The following PAX2 variants were observed in gnomAD, a reference collection of about 807,000 sequenced individuals.
PAX2 encodes paired box 2, also known as paired box protein Pax-2.
Under a neutral mutation model 41.7 loss-of-function variants are expected in PAX2, and 9 were observed. That is an observed-to-expected ratio of 0.22 (90% confidence interval 0.13 to 0.38). The LOEUF (loss-of-function observed/expected upper bound fraction) is 0.38, where lower values mean the gene tolerates loss of function less well. Among genes scored for constraint, PAX2 ranks in the 10% least tolerant of loss-of-function variants. The pLI is 1.00. For missense variants in PAX2, 418 were observed against 531.6 expected, an observed-to-expected ratio of 0.79 and a Z score of 2.10; for synonymous variants, 221 against 212.7, an observed-to-expected ratio of 1.04 and a Z score of -0.34.
At chr10:100,764,680 CTGTGTGTG>C (rs59663467) in intron 3 of PAX2, among the ~76,000 whole-genome samples, 3,048 of 150,328 alleles carry the variant, frequency 0.02, 110 homozygotes, top group African/African-American at 0.07. Context: ...GACCTTGTGG[CTGTGTGTG>C]TGTGTGTGTG....
chr10:100,818,945 A>T (rs557722303), intron 7 of PAX2, among the ~76,000 whole-genome samples: 33 of 152,146 alleles, frequency 2.2e-4, no homozygotes, highest in Non-Finnish European at 4.3e-4. Context: ...TTTATTTCTC[A>T]TCTATAGAAT....
chr10:100,786,716 CT>C (rs1407600645), intron 5 of PAX2, among the ~76,000 whole-genome samples: 1 of 152,172 alleles, frequency 6.6e-6, no homozygotes, highest in African/African-American at 2.4e-5. Flanking sequence ...CTACCTTCTG[CT>C]GATAAAGGGA....
intron 1 of PAX2, among the ~76,000 whole-genome samples, chr10:100,739,627 C>A (rs933406610): frequency 7.9e-5 from 12 of 152,230 alleles, no homozygotes; most frequent in Admixed American, 6.5e-4. Flanking sequence ...CTCTGGTCTC[C>A]CAGCCTCTGG....
intron 3 of PAX2, among the ~76,000 whole-genome samples, chr10:100,758,992 G>T (rs74629929): frequency 0.02 from 3,026 of 152,318 alleles, 104 homozygotes; most frequent in African/African-American, 0.065. Context: ...GACTGGGAGA[G>T]TGAGGCAGGA....
chr10:100,740,468 C>A (rs909752765), intron 1 of PAX2, among the ~76,000 whole-genome samples: 3 of 152,182 alleles, frequency 2.0e-5, no homozygotes, highest in African/African-American at 7.2e-5. Flanking sequence ...GGGGAGGAAT[C>A]CCCAGTAACC....
chr10:100,801,533 G>A (rs1847563661), intron 5 of PAX2, among the ~76,000 whole-genome samples: 1 of 152,182 alleles, frequency 6.6e-6, no homozygotes, highest in Admixed American at 6.5e-5. Context: ...ACCTGGAATG[G>A]CCCAGTCCTG....
At chr10:100,810,205 C>T (rs2495762) in intron 7 of PAX2, among the ~76,000 whole-genome samples, 3 of 152,048 alleles carry the variant, frequency 2.0e-5, no homozygotes, top group Non-Finnish European at 4.4e-5. Flanking sequence ...GCAGAGCCAG[C>T]GGCAAAGGCA....
At chr10:100,789,546 A>T (rs1214148808) in intron 5 of PAX2, among the ~76,000 whole-genome samples, 3 of 152,218 alleles carry the variant, frequency 2.0e-5, no homozygotes, top group Non-Finnish European at 4.4e-5. Context: ...AACCAAATCT[A>T]TATGATGGTA....
chr10:100,787,711 C>T (rs1222240247), intron 5 of PAX2, among the ~76,000 whole-genome samples: 1 of 152,080 alleles, frequency 6.6e-6, no homozygotes, highest in Non-Finnish European at 1.5e-5. Flanking sequence ...GCAGCATCGT[C>T]AATTCCAAAG....
chr10:100,787,770 C>A (rs1039536108), intron 5 of PAX2, among the ~76,000 whole-genome samples: 1 of 151,862 alleles, frequency 6.6e-6, no homozygotes, highest in African/African-American at 2.4e-5. Context: ...TGGGGGGCAC[C>A]CAGGGCAAAG....
chr10:100,773,345 C>T (rs2133882148), intron 3 of PAX2, among the ~76,000 whole-genome samples: 2 of 152,258 alleles, frequency 1.3e-5, no homozygotes, highest in East Asian at 3.9e-4. Context: ...CAGCCTAGTC[C>T]AGTAAATGCT....
chr10:100,739,454 G>A (rs1007670463), intron 1 of PAX2, among the ~76,000 whole-genome samples: 2 of 152,198 alleles, frequency 1.3e-5, no homozygotes, highest in Non-Finnish European at 2.9e-5. Context: ...GGCGCGCCGC[G>A]GATGGATCCG....
intron 7 of PAX2, among the ~76,000 whole-genome samples, chr10:100,817,262 C>T (rs1848220078): frequency 6.6e-6 from 1 of 152,180 alleles, no homozygotes. Flanking sequence ...AATGTCTTCC[C>T]CTCTCTCTGA....
Position 100,824,514 on chromosome 10 carries a change from G to A in PAX2, c.920-134G>A. The A allele has an allele frequency of 1.3e-6, 1 of 750,378 alleles. No individual in the cohort carries two copies. Among genetic ancestry groups the A allele is most frequent in the South Asian group, 1.4e-5 (1 of 69,580 alleles). 46.5% of individuals were successfully genotyped at this position (750,378 alleles called of 1,614,324 possible). ...CAGATGGCGCATTCAGGTGCACAGT[G>A]GCACACATACCCCTGCACGTCTGCA... On this transcript the variant is annotated intron_variant, in intron 7 of 9. Coordinates refer to ENST00000355243, the MANE Select transcript of PAX2 (RefSeq NM_000278.5). This position sits in a 1 kb window ranked among gnomAD's most constrained non-coding sequence, Gnocchi z 6.6.
chr10:100,791,464 A>G lies in PAX2; in HGVS notation c.616+10099A>G, dbSNP rs966719089. ...CAGACAAGGGGAGGGAAGAGAAGCC[A>G]GAGGAAAGCAGCTCCAGGAACCTGC... On this transcript the variant is annotated intron_variant, in intron 5 of 9. Coordinates refer to ENST00000355243, the MANE Select transcript of PAX2 (RefSeq NM_000278.5). The surrounding 1 kb of genome is among the most constrained non-coding windows in gnomAD (Gnocchi z 4.5). 2.0e-5 allele frequency among the ~76,000 whole-genome samples: 3 copies of G among 152,232 alleles called. No homozygotes were observed. The highest frequency in any genetic ancestry group is 4.4e-5 in the Non-Finnish European group (3 of 68,034).
chr10:100,823,598 G>T (rs1337539675), intron 7 of PAX2, among the ~76,000 whole-genome samples: 1 of 152,202 alleles, frequency 6.6e-6, no homozygotes, highest in Non-Finnish European at 1.5e-5. Flanking sequence ...AGAGGCATTA[G>T]AGTAATAGAG....
At chr10:100,809,051 C>A in intron 6 of PAX2, 59 bp from the exon 7 acceptor site, 2 of 1,556,558 alleles carry the variant, frequency 1.3e-6, no homozygotes, top group South Asian at 1.1e-5. Context: ...ATCTGCACAC[C>A]GAGCCCTTTC....
At chr10:100,735,793 C>A (rs1011979219) in intron 1 of PAX2, 24 of 981,368 alleles carry the variant, frequency 2.4e-5, no homozygotes, top group Non-Finnish European at 2.8e-5. Flanking sequence ...GGGATGGGGG[C>A]GGCCATGGCC....
chr10:100,749,485 C>A, intron 1 of PAX2: 1 of 1,309,910 alleles, frequency 7.6e-7, no homozygotes, highest in Non-Finnish European at 9.7e-7. Flanking sequence ...GGTTTCTCTC[C>A]AGTCCCCCCT....
Sources: gnomAD v4.1 joint callset for allele counts (sites outside exome capture counted in the v4.1 genomes callset) on GRCh38, gnomAD v4.1.1 for gene constraint, Gnocchi (gnomAD v3.1) non-coding constraint, MANE v1.5 for transcripts, NCBI Gene and HGNC (gene_info 2026-07-23, HGNC 2026-07-21) for gene names.